PTPRK: variants seen among roughly 807,000 people sequenced by gnomAD.
PTPRK encodes receptor-type tyrosine-protein phosphatase kappa.
A neutral mutation model predicts 178.0 loss-of-function variants in PTPRK; 75 were observed. The observed-to-expected ratio is 0.42, with a 90% CI of 0.35 to 0.51. The LOEUF (loss-of-function observed/expected upper bound fraction) is 0.51. Ranked by LOEUF, PTPRK falls within the 20% of genes least tolerant of loss-of-function variation. The pLI, the probability that PTPRK is intolerant of heterozygous loss-of-function variation, is 0.02. For missense variants in PTPRK, 1,441 were observed against 1,797.8 expected (o/e 0.80, Z 3.59); for synonymous variants, 637 against 620.6 (o/e 1.03, Z -0.39).
chr6:128,287,225 G>T (rs1044913154), intron 3 of PTPRK, among the ~76,000 whole-genome samples: 6 of 152,070 alleles, frequency 3.9e-5, no homozygotes, highest in African/African-American at 1.2e-4. Context: ...CTACCAAGAG[G>T]CTGTGAATTG....
chr6:128,511,979 A>G (rs1404941907), intron 1 of PTPRK, among the ~76,000 whole-genome samples: 1 of 152,156 alleles, frequency 6.6e-6, no homozygotes, highest in East Asian at 1.9e-4. Flanking sequence ...CTTTAGGAAA[A>G]GCTCTCTTCT....
At chr6:128,414,428 C>T (rs1842622857) in intron 1 of PTPRK, among the ~76,000 whole-genome samples, 1 of 152,158 alleles carries the variant, frequency 6.6e-6, no homozygotes, top group Admixed American at 6.5e-5. Context: ...TTGCCTCTGT[C>T]AGCCGATTTG....
Position 128,520,398 on chromosome 6 carries a change from C to T in PTPRK, c.-40G>A, listed in dbSNP as rs1459510802. 13 of 1,559,018 alleles carry T rather than the reference C, an allele frequency of 8.3e-6. No individual in the cohort carries two copies. The highest frequency in any genetic ancestry group is 2.7e-5 in the African/African-American group (2 of 73,562). On this transcript the variant is annotated 5_prime_UTR_variant, in exon 1 of 30. Coordinates refer to ENST00000368226, the MANE Select transcript of PTPRK (RefSeq NM_002844.4). The stretch of plus-strand genomic sequence containing the variant: ...AAGTTTCAAGCAGCTTTGCAAAGAG[C>T]TGCCGGGGGGATCGCCGCGAAATCC...
At chr6:127,995,211 A>G (rs775705595) in intron 18 of PTPRK, 2 of 1,552,296 alleles carry the variant, frequency 1.3e-6, no homozygotes, top group Non-Finnish European at 1.8e-6. Context: ...GTTTGTATTT[A>G]TAATAGGGTG....
chr6:128,520,406 G>A lies in PTPRK; in HGVS notation c.-48C>T. 6.5e-7 allele frequency: 1 copy of A among 1,543,300 alleles called. No homozygotes were observed. The highest frequency in any genetic ancestry group is 8.8e-7 in the Non-Finnish European group (1 of 1,136,344). On this transcript the variant is annotated 5_prime_UTR_variant, in exon 1 of 30. Coordinates refer to ENST00000368226, the MANE Select transcript of PTPRK (RefSeq NM_002844.4). The stretch of plus-strand genomic sequence containing the variant: ...AGCAGCTTTGCAAAGAGCTGCCGGG[G>A]GGATCGCCGCGAAATCCACGACGGA...
chr6:128,473,340 T>C (rs1382597856), intron 1 of PTPRK, among the ~76,000 whole-genome samples: 1 of 151,798 alleles, frequency 6.6e-6, no homozygotes, highest in Middle Eastern at 3.2e-3. Flanking sequence ...AAGCACATGA[T>C]ATCTGTCTGC....
At chr6:128,450,459 ATATAAG>A (rs1273168944) in intron 1 of PTPRK, among the ~76,000 whole-genome samples, 1 of 152,230 alleles carries the variant, frequency 6.6e-6, no homozygotes, top group African/African-American at 2.4e-5. Context: ...TAATTTTCAC[ATATAAG>A]TATAATTGCT....
At chr6:128,503,815 AG>A (rs1562655217) in intron 1 of PTPRK, among the ~76,000 whole-genome samples, 1 of 150,284 alleles carries the variant, frequency 6.7e-6, no homozygotes, top group East Asian at 1.9e-4. Context: ...TGGGACTAAA[AG>A]CATGCACCAC....
intron 13 of PTPRK, among the ~76,000 whole-genome samples, chr6:128,031,392 A>G (rs1775308536): frequency 6.6e-6 from 1 of 152,230 alleles, no homozygotes; most frequent in Non-Finnish European, 1.5e-5. Context: ...AAAGAAAATA[A>G]ATGTTCAATA....
chr6:128,122,084 T>C (rs1204005704), intron 7 of PTPRK, among the ~76,000 whole-genome samples: 1 of 152,158 alleles, frequency 6.6e-6, no homozygotes, highest in Non-Finnish European at 1.5e-5. Context: ...TTTGAATCAC[T>C]TACTTCATCA....
intron 13 of PTPRK, among the ~76,000 whole-genome samples, chr6:128,039,494 T>C (rs555884972): frequency 5.3e-5 from 8 of 152,280 alleles, no homozygotes; most frequent in South Asian, 4.1e-4. Context: ...AAACACAACA[T>C]TGGATTAGTG....
At chr6:128,031,734 C>T (rs1775370089) in intron 13 of PTPRK, among the ~76,000 whole-genome samples, 1 of 152,180 alleles carries the variant, frequency 6.6e-6, no homozygotes, top group Non-Finnish European at 1.5e-5. Context: ...TATTTATCCT[C>T]CCTTCTTTAG....
At chr6:128,331,561 T>C (rs1020183361) in intron 2 of PTPRK, among the ~76,000 whole-genome samples, 7 of 152,144 alleles carry the variant, frequency 4.6e-5, no homozygotes, top group Non-Finnish European at 8.8e-5. Flanking sequence ...TCCATTAATT[T>C]GGTTAGACGG....
At chr6:128,335,939 C>A (rs1196064082) in intron 2 of PTPRK, among the ~76,000 whole-genome samples, 1 of 152,076 alleles carries the variant, frequency 6.6e-6, no homozygotes, top group Non-Finnish European at 1.5e-5. Context: ...ACTTTCAGTG[C>A]TAGCAATGCA....
chr6:128,221,503 G>A (rs1810405259), intron 5 of PTPRK, among the ~76,000 whole-genome samples: 1 of 148,800 alleles, frequency 6.7e-6, no homozygotes, highest in East Asian at 2.0e-4. Context: ...CAGCCTGGGT[G>A]ATAGAGCAAG....
At chr6:128,026,313 C>T (rs1284184979) in intron 13 of PTPRK, among the ~76,000 whole-genome samples, 2 of 152,170 alleles carry the variant, frequency 1.3e-5, no homozygotes, top group Non-Finnish European at 2.9e-5. Context: ...AAACTTTCTC[C>T]TATTTGTATA....
intron 3 of PTPRK, among the ~76,000 whole-genome samples, chr6:128,295,171 T>G (rs73772024): frequency 1.3e-5 from 2 of 152,148 alleles, no homozygotes; most frequent in African/African-American, 2.4e-5. Context: ...ACTTTCAAAC[T>G]ATTGTCCTTC....
intron 3 of PTPRK, among the ~76,000 whole-genome samples, chr6:128,278,025 T>C (rs1562190448): frequency 6.6e-6 from 1 of 152,204 alleles, no homozygotes; most frequent in Non-Finnish European, 1.5e-5. Flanking sequence ...GGTGAAATTC[T>C]ATTGACATTT....
chr6:128,317,457 C>A (rs899688915), intron 3 of PTPRK, among the ~76,000 whole-genome samples: 2 of 151,164 alleles, frequency 1.3e-5, no homozygotes, highest in Non-Finnish European at 2.9e-5. Flanking sequence ...AAAAAAACTG[C>A]TTCATTCATT....
Sources: gnomAD v4.1 joint callset for allele counts (sites outside exome capture counted in the v4.1 genomes callset) on GRCh38, gnomAD v4.1.1 for gene constraint, MANE v1.5 for transcripts, NCBI Gene and HGNC (gene_info 2026-07-23, HGNC 2026-07-21) for gene names.